The following PARVB variants were observed in gnomAD, a reference collection of about 807,000 sequenced individuals.
The protein encoded by PARVB is parvin beta.
PARVB carries 46 observed loss-of-function variants against 47.0 expected under a neutral mutation model. That is an observed-to-expected ratio of 0.98 (90% CI 0.77 to 1.25). PARVB has a LOEUF of 1.25. Among genes scored for constraint, PARVB ranks in the 50% most tolerant of loss-of-function variants. The pLI is 0.00. For synonymous variants in PARVB, 196 were observed against 196.3 expected (o/e 1.00, Z 0.01); for missense variants, 473 against 471.6 (o/e 1.00, Z -0.03).
rs766368195 is a variant in PARVB at position 44,131,474 on chromosome 22, C to T, written c.377-13C>T. ...CTTTTTCTGACCCTCTTCTCTTGTG[C>T]TTCTCATTGCAGAAAAACTGGCAGG... On this transcript the variant is annotated splice_polypyrimidine_tract_variant and intron_variant, in intron 4 of 12. Coordinates refer to ENST00000338758, the MANE Select transcript of PARVB (RefSeq NM_013327.5). 3.0e-5 allele frequency: 48 copies of T among 1,612,798 alleles called. 1 individual carries two copies. The South Asian group carries it at 5.2e-4, about 17-fold the overall frequency.
chr22:44,081,775 CA>C (rs1449594385), intron 1 of PARVB, among the ~76,000 whole-genome samples: 1 of 152,106 alleles, frequency 6.6e-6, no homozygotes, highest in East Asian at 1.9e-4. Flanking sequence ...TGACACACGC[CA>C]GGGGAAAGGT....
intron 1 of PARVB, among the ~76,000 whole-genome samples, chr22:44,030,566 GGGAATGGAC>G (rs1381500657): frequency 1.3e-5 from 2 of 152,132 alleles, no homozygotes; most frequent in African/African-American, 4.8e-5. Context: ...TTGGGGAGTG[GGGAATGGAC>G]GGAATGGGGG....
chr22:44,035,077 A>C (rs552675954), intron 1 of PARVB, among the ~76,000 whole-genome samples: 2 of 152,148 alleles, frequency 1.3e-5, no homozygotes, highest in Non-Finnish European at 2.9e-5. Context: ...TGGAAGCCTC[A>C]CTGATAACAT....
intron 1 of PARVB, among the ~76,000 whole-genome samples, chr22:44,070,503 A>G (rs1295007423): frequency 6.6e-6 from 1 of 152,220 alleles, no homozygotes; most frequent in African/African-American, 2.4e-5. Flanking sequence ...TGAACAAGAT[A>G]GGAGCTGTTT....
chr22:44,148,117 C>A lies in PARVB; in HGVS notation c.774+195C>A. The A allele has an allele frequency of 5.0e-6, 3 of 604,578 alleles. No individual in the cohort carries two copies. In the Admixed American group the frequency reaches 7.4e-5, roughly 15 times the overall value. 37.5% of individuals were successfully genotyped at this position (604,578 alleles called of 1,614,324 possible). ...AGCGCCTTTTAACTCAACCTCGCTG[C>A]TCCCTGGGTGTCTTCCTGCCCGCCC... On this transcript the variant is annotated intron_variant, in intron 9 of 12. Transcript: ENST00000338758.
upstream of PARVB, among the ~76,000 whole-genome samples, chr22:44,023,700 C>T (rs1029259069): frequency 6.6e-6 from 1 of 152,160 alleles, no homozygotes; most frequent in Admixed American, 6.5e-5. Context: ...CCCTGGCACC[C>T]CACACTGTCC....
intron 10 of PARVB, among the ~76,000 whole-genome samples, chr22:44,156,528 T>C (rs954655376): frequency 5.3e-5 from 8 of 152,234 alleles, no homozygotes; most frequent in Non-Finnish European, 1.0e-4. Context: ...CCACCCACCT[T>C]GGCCACCCAA....
chr22:44,084,288 C>T (rs977562049), intron 1 of PARVB, among the ~76,000 whole-genome samples: 1 of 152,250 alleles, frequency 6.6e-6, no homozygotes, highest in Admixed American at 6.5e-5. Flanking sequence ...CTGCTCCACC[C>T]CAGAGCTGAA....
At chr22:44,008,402 G>A (rs1302225947) in intron 2 of PARVB, among the ~76,000 whole-genome samples, 1 of 152,050 alleles carries the variant, frequency 6.6e-6, no homozygotes, top group Non-Finnish European at 1.5e-5. Flanking sequence ...GAGCCACCAC[G>A]CGCGGTCTAG....
rs368287158 is a variant in PARVB at position 44,041,108 on chromosome 22, T to C, written c.112+16657T>C. ...AAATGAATGCTGATGGATTGCTGGA[T>C]AGATAGAGGGATGGACGGATGTGGA... On this transcript the variant is annotated intron_variant, in intron 1 of 12. Transcript: ENST00000338758. 9.9e-5 allele frequency among the ~76,000 whole-genome samples: 15 copies of C among 152,172 alleles called. No homozygotes were observed. The East Asian group carries it at 1.9e-3, about 20-fold the overall frequency.
chr22:44,043,848 G>A (rs2051065559), intron 1 of PARVB, among the ~76,000 whole-genome samples: 1 of 152,160 alleles, frequency 6.6e-6, no homozygotes, highest in South Asian at 2.1e-4. Context: ...CTTGGGGTGA[G>A]GGCGGGTGGA....
chr22:44,024,435 G>T lies in PARVB; in HGVS notation c.96G>T (p.Lys32Asn). Reference sequence around the variant, plus strand: ...AGCTGGGCGGCACCCTGGCCAGGAAGCGGAGGGCGCGCGAGGGTGAGTGCG... The same window carrying T: ...AGCTGGGCGGCACCCTGGCCAGGAATCGGAGGGCGCGCGAGGGTGAGTGCG... Reference protein sequence around the residue: ...LGKLGGTLARKRRAREVSDLQ... With the variant: ...LGKLGGTLARNRRAREVSDLQ... The change falls in exon 1 of 13, where the codon AAG becomes AAT. Residue 32 changes from lysine (K) to asparagine (N), a missense_variant. Physicochemically the swap from Lys to Asn is moderately conservative, Grantham distance 94. Coordinates refer to ENST00000338758, the MANE Select transcript of PARVB (RefSeq NM_013327.5). The T allele has an allele frequency of 8.3e-7, 1 of 1,206,858 alleles. No individual in the cohort carries two copies. The highest frequency in any genetic ancestry group is 1.0e-6 in the Non-Finnish European group (1 of 963,344). The allele number at this position is 1,206,858 out of a possible 1,614,324, so 74.8% of individuals were successfully genotyped here.
At chr22:44,145,914 T>G (rs1179056399) in intron 8 of PARVB, 1 of 152,042 alleles carries the variant, frequency 6.6e-6, no homozygotes, top group Non-Finnish European at 1.5e-5. Flanking sequence ...TTTTTTTTTT[T>G]GTTTTGCCCC....
At chr22:44,063,834 C>G (rs1028508961) in intron 1 of PARVB, among the ~76,000 whole-genome samples, 2 of 152,134 alleles carry the variant, frequency 1.3e-5, no homozygotes, top group Non-Finnish European at 2.9e-5. Flanking sequence ...GAGAAGCTCT[C>G]AATGACCAGG....
intron 4 of PARVB, among the ~76,000 whole-genome samples, chr22:44,121,386 A>G (rs1448934371): frequency 6.6e-6 from 1 of 152,148 alleles, no homozygotes; most frequent in African/African-American, 2.4e-5. Context: ...TGCGCTCCCC[A>G]TGATTTTATC....
At chr22:44,160,888 G>A (rs1002374016) in intron 11 of PARVB, among the ~76,000 whole-genome samples, 11 of 152,132 alleles carry the variant, frequency 7.2e-5, no homozygotes, top group African/African-American at 2.2e-4. Flanking sequence ...GTGTCTCCAC[G>A]TGTCATGCAT....
At chr22:44,097,911 C>T (rs28479687) in intron 2 of PARVB, among the ~76,000 whole-genome samples, 7,775 of 152,202 alleles carry the variant, frequency 0.051, 234 homozygotes, top group Middle Eastern at 0.078. Context: ...TCAGTGGTCC[C>T]GCCGACTGAG....
At chr22:44,017,926 C>G (rs191492717) in intron 2 of PARVB, among the ~76,000 whole-genome samples, 1 of 152,220 alleles carries the variant, frequency 6.6e-6, no homozygotes, top group East Asian at 1.9e-4. Flanking sequence ...AATGATGTTG[C>G]ATGTCACGTG....
chr22:44,078,974 G>T (rs535057965), intron 1 of PARVB, among the ~76,000 whole-genome samples: 1 of 152,290 alleles, frequency 6.6e-6, no homozygotes, highest in South Asian at 2.1e-4. Flanking sequence ...TGATCCACCC[G>T]CCTCGGCCTC....
Sources: allele counts gnomAD v4.1 joint callset (sites outside exome capture counted in the v4.1 genomes callset), GRCh38; gene constraint gnomAD v4.1.1; transcripts MANE v1.5; gene names NCBI Gene and HGNC (gene_info 2026-07-23, HGNC 2026-07-21).